The following TBXAS1 variants were observed in gnomAD, a reference collection of about 807,000 sequenced individuals.
TBXAS1 encodes thromboxane A synthase 1.
Under a neutral mutation model 60.7 loss-of-function variants are expected in TBXAS1, and 48 were observed. The ratio of observed to expected loss-of-function variants is 0.79; its 90% confidence interval spans 0.63 to 1.01. The LOEUF is 1.01. TBXAS1 is among the 50% of genes least tolerant of loss of function. TBXAS1 has a pLI of 0.00. For synonymous variants in TBXAS1, 287 were observed against 269.7 expected, an observed-to-expected ratio of 1.06 and a Z score of -0.63; for missense variants, 685 against 686.3, an observed-to-expected ratio of 1.00 and a Z score of 0.02.
Position 139,863,814 on chromosome 7 carries a change from A to G in TBXAS1, c.90-8421A>G, listed in dbSNP as rs866625978. Among the ~76,000 whole-genome samples the G allele has an allele frequency of 3.3e-5, 5 of 152,342 alleles. No individual in the cohort carries two copies. The South Asian group carries it at 1.0e-3, about 32-fold the overall frequency. On this transcript the variant is annotated intron_variant, in intron 1 of 12. Transcript: ENST00000448866. ...TAGAAAACAACAAAAATCAGAAATG[A>G]TCAACAAAGAAAAAGTTGGTGCTTT...
At chr7:139,902,132 G>A (rs533290683) in intron 3 of TBXAS1, among the ~76,000 whole-genome samples, 7 of 141,442 alleles carry the variant, frequency 4.9e-5, no homozygotes, top group South Asian at 2.1e-4. Flanking sequence ...ATATGCACTC[G>A]TGTGTGTGTG....
At chr7:139,882,710 T>C (rs988883132) in intron 3 of TBXAS1, among the ~76,000 whole-genome samples, 1 of 152,232 alleles carries the variant, frequency 6.6e-6, no homozygotes, top group Non-Finnish European at 1.5e-5. Context: ...TCTCTGGCCA[T>C]GAGGCCAAAC....
At chr7:139,814,432 C>T (rs1798098873) in intron 4 of TBXAS1, among the ~76,000 whole-genome samples, 1 of 152,180 alleles carries the variant, frequency 6.6e-6, no homozygotes, top group Non-Finnish European at 1.5e-5. Flanking sequence ...GGCCTAAGTT[C>T]ACTGAACTGA....
intron 6 of TBXAS1, among the ~76,000 whole-genome samples, chr7:139,954,070 A>C (rs1283040721): frequency 6.6e-6 from 1 of 152,040 alleles, no homozygotes; most frequent in Admixed American, 6.6e-5. Flanking sequence ...ATGTGTGGCC[A>C]AGACAATTCT....
chr7:139,938,629 C>T (rs776854840), intron 5 of TBXAS1, among the ~76,000 whole-genome samples: 1 of 152,118 alleles, frequency 6.6e-6, no homozygotes, highest in African/African-American at 2.4e-5. Context: ...CATCCAGCCA[C>T]TAAAAGGTTG....
intron 5 of TBXAS1, among the ~76,000 whole-genome samples, chr7:139,945,083 A>G (rs1428115050): frequency 6.6e-6 from 1 of 152,240 alleles, no homozygotes; most frequent in East Asian, 1.9e-4. Context: ...TCTGCCCTTT[A>G]GGTCCCTATG....
At chr7:139,885,645 T>C (rs1803033375) in intron 3 of TBXAS1, among the ~76,000 whole-genome samples, 1 of 152,246 alleles carries the variant, frequency 6.6e-6, no homozygotes, top group African/African-American at 2.4e-5. Flanking sequence ...CCATCTTTGA[T>C]TTCAAAATTT....
intron 4 of TBXAS1, among the ~76,000 whole-genome samples, chr7:139,923,842 G>T (rs946554926): frequency 6.6e-6 from 1 of 151,992 alleles, no homozygotes; most frequent in Non-Finnish European, 1.5e-5. Flanking sequence ...CTATCTCCAT[G>T]AGTTCAATTG....
At chr7:139,794,218 C>T (rs538220549) in intron 4 of TBXAS1, among the ~76,000 whole-genome samples, 1 of 152,018 alleles carries the variant, frequency 6.6e-6, no homozygotes, top group South Asian at 2.1e-4. Context: ...TCTCCTACCT[C>T]AGCTCCCAAG....
chr7:139,822,248 GCTCTCTCTTATACTCTTTCT>G (rs1335908488), intron 4 of TBXAS1, among the ~76,000 whole-genome samples: 5 of 151,816 alleles, frequency 3.3e-5, no homozygotes, highest in African/African-American at 1.2e-4. Flanking sequence ...TTGTCTGCTT[GCTCTCTCTTATACTCTTTCT>G]CTCTCTCTCT....
intron 9 of TBXAS1, among the ~76,000 whole-genome samples, chr7:140,002,198 T>C (rs1172274826): frequency 1.3e-5 from 2 of 152,212 alleles, no homozygotes; most frequent in African/African-American, 4.8e-5. Flanking sequence ...TACACATCCA[T>C]GTCATGATTT....
chr7:139,933,079 T>C (rs1807463336), intron 4 of TBXAS1, among the ~76,000 whole-genome samples: 1 of 151,992 alleles, frequency 6.6e-6, no homozygotes, highest in Admixed American at 6.6e-5. Context: ...TAAAATGTTT[T>C]CAGAAATAAA....
chr7:139,970,528 C>T (rs1314962473), intron 9 of TBXAS1, among the ~76,000 whole-genome samples: 3 of 152,222 alleles, frequency 2.0e-5, no homozygotes, highest in Admixed American at 1.3e-4. Flanking sequence ...GTGTGCTGGA[C>T]ATGGCAAGTA....
At position 139,847,570 on chromosome 7, in the gene TBXAS1, C is replaced by T. The variant is rs543022337; in HGVS notation, c.89+18091C>T. Among the ~76,000 whole-genome samples the T allele has an allele frequency of 9.5e-4, 144 of 152,228 alleles. 1 individual carries two copies. The highest frequency in any genetic ancestry group is 3.2e-3 in the African/African-American group (132 of 41,524). Reference sequence around the variant, plus strand: ...CCAATCAACCAACCAACTCACTAACCGCCTCTTCTTTGACTCCACCCCAGG... The same window carrying T: ...CCAATCAACCAACCAACTCACTAACTGCCTCTTCTTTGACTCCACCCCAGG... On this transcript the variant is annotated intron_variant, in intron 1 of 12. Transcript: ENST00000448866.
At chr7:139,813,788 A>G (rs975374212) in intron 4 of TBXAS1, among the ~76,000 whole-genome samples, 2 of 152,230 alleles carry the variant, frequency 1.3e-5, no homozygotes, top group Non-Finnish European at 2.9e-5. Flanking sequence ...ATGTGTATGT[A>G]TCTTTTTCTG....
chr7:139,915,658 A>G (rs1370258826), intron 4 of TBXAS1, among the ~76,000 whole-genome samples: 4 of 152,206 alleles, frequency 2.6e-5, no homozygotes, highest in Non-Finnish European at 5.9e-5. Context: ...CATGAGCCGT[A>G]AGCATCCCAT....
intron 9 of TBXAS1, among the ~76,000 whole-genome samples, chr7:139,982,830 G>A (rs1179365364): frequency 6.6e-6 from 1 of 152,114 alleles, no homozygotes; most frequent in Non-Finnish European, 1.5e-5. Context: ...TACAAACGAG[G>A]AAATGTATCG....
At chr7:139,851,298 G>A (rs551910439) in intron 1 of TBXAS1, among the ~76,000 whole-genome samples, 4 of 152,280 alleles carry the variant, frequency 2.6e-5, no homozygotes, top group Admixed American at 6.5e-5. Flanking sequence ...TCCTGTGGCC[G>A]GGCTCTAAGT....
chr7:140,015,668 A>C, intron 10 of TBXAS1, 55 bp from the exon 11 acceptor site: 3 of 1,604,712 alleles, frequency 1.9e-6, no homozygotes, highest in Non-Finnish European at 2.5e-6. Context: ...GCACGCCCCA[A>C]GCTCTGCTCC....
Sources: gnomAD v4.1 joint callset for allele counts (sites outside exome capture counted in the v4.1 genomes callset) on GRCh38, gnomAD v4.1.1 for gene constraint, MANE v1.5 for transcripts, NCBI Gene and HGNC (gene_info 2026-07-23, HGNC 2026-07-21) for gene names.